Variants in DNM3 observed in about 807,000 individuals in gnomAD.
The protein encoded by DNM3 is dynamin-3.
In DNM3, 47 loss-of-function variants were observed where a neutral mutation model predicts 101.6. The ratio of observed to expected loss-of-function variants is 0.46; its 90% CI spans 0.37 to 0.59. The LOEUF (loss-of-function observed/expected upper bound fraction) is 0.59, where lower values mean the gene tolerates loss of function less well. DNM3 is among the 20% of genes least tolerant of loss of function. The pLI is 0.00. For missense variants in DNM3, 849 were observed against 1,085.7 expected, an observed-to-expected ratio of 0.78 and a Z score of 3.06; for synonymous variants, 385 against 387.9, an observed-to-expected ratio of 0.99 and a Z score of 0.09.
intron 1 of DNM3, among the ~76,000 whole-genome samples, chr1:171,875,802 G>A (rs1221588385): frequency 9.3e-6 from 1 of 107,668 alleles, no homozygotes; most frequent in Non-Finnish European, 1.8e-5. Context: ...TCTAAAAAAA[G>A]AGTTGTCTCT....
intron 20 of DNM3, 47 bp from the exon 21 acceptor site, chr1:172,407,725 C>T (rs1298256977): frequency 6.3e-7 from 1 of 1,582,938 alleles, no homozygotes; most frequent in South Asian, 1.1e-5. Flanking sequence ...CAATGTTCTG[C>T]TAGATATTCT....
chr1:172,237,109 G>A (rs902943812), intron 14 of DNM3, among the ~76,000 whole-genome samples: 1 of 152,058 alleles, frequency 6.6e-6, no homozygotes, highest in African/African-American at 2.4e-5. Context: ...TTAAACATAG[G>A]TTCAATTACA....
intron 10 of DNM3, among the ~76,000 whole-genome samples, chr1:172,063,143 A>C (rs1375888321): frequency 6.6e-6 from 1 of 152,200 alleles, no homozygotes; most frequent in East Asian, 1.9e-4. Flanking sequence ...ATATGTATAG[A>C]AGAAATTTTG....
At chr1:172,027,611 CACACACAGAGAG>C (rs1363014911) in intron 4 of DNM3, among the ~76,000 whole-genome samples, 3 of 141,452 alleles carry the variant, frequency 2.1e-5, no homozygotes, top group African/African-American at 8.2e-5. Flanking sequence ...CACACACACA[CACACACAGAGAG>C]AGAGAAATTG....
At chr1:172,127,385 CTTATTATTATTATTATTA>C (rs60339425) in intron 13 of DNM3, among the ~76,000 whole-genome samples, 1 of 137,678 alleles carries the variant, frequency 7.3e-6, no homozygotes, top group African/African-American at 2.7e-5. Context: ...TTACTCTCTA[CTTATTATTATTATTATTA>C]TTATTATTAT....
intron 16 of DNM3, chr1:172,309,954 CCTGT>C (rs1355306239): frequency 1.3e-5 from 2 of 152,286 alleles, no homozygotes; most frequent in Non-Finnish European, 2.9e-5. Flanking sequence ...TCATCCTATA[CCTGT>C]CTGACACCTA....
intron 15 of DNM3, among the ~76,000 whole-genome samples, chr1:172,263,055 A>G (rs1353400224): frequency 6.6e-6 from 1 of 152,208 alleles, no homozygotes; most frequent in Non-Finnish European, 1.5e-5. Flanking sequence ...TATGTCTTAT[A>G]GGAAATAGTT....
At chr1:172,167,011 C>G (rs929655283) in intron 14 of DNM3, among the ~76,000 whole-genome samples, 4 of 151,620 alleles carry the variant, frequency 2.6e-5, no homozygotes, top group African/African-American at 9.7e-5. Context: ...TGTTGGTGTG[C>G]TGCACCCATT....
intron 2 of DNM3, among the ~76,000 whole-genome samples, chr1:171,931,830 A>G (rs2041028721): frequency 6.6e-6 from 1 of 152,158 alleles, no homozygotes; most frequent in African/African-American, 2.4e-5. Flanking sequence ...GGGTTCTATT[A>G]TAATTGTGTG....
At chr1:172,319,022 A>G (rs1221854553) in intron 16 of DNM3, among the ~76,000 whole-genome samples, 1 of 152,074 alleles carries the variant, frequency 6.6e-6, no homozygotes. Flanking sequence ...ACAGCATGGT[A>G]CTGGTACCAA....
intron 4 of DNM3, among the ~76,000 whole-genome samples, chr1:172,005,102 T>C (rs1235430760): frequency 6.6e-6 from 1 of 152,126 alleles, no homozygotes; most frequent in African/African-American, 2.4e-5. Flanking sequence ...CTGATTTGAA[T>C]CATGGCTCCA....
In DNM3 at chr1:171,841,734, C is replaced by A; in HGVS notation, c.78C>A (p.Ser26Arg). ...LQDAFSALGQ[S>R]CLLELPQIAV... ...ACGCGTTTTCGGCGCTGGGACAGAG[C>A]TGCCTGCTGGAGCTGCCGCAGATCG... The change falls in exon 1 of 21, where the codon AGC becomes AGA. Residue 26 changes from serine to arginine, a missense_variant. Transcript: ENST00000627582. 1 of 1,610,928 alleles carries A rather than the reference C, an allele frequency of 6.2e-7. No homozygotes were observed. The highest frequency in any genetic ancestry group is 1.1e-5 in the South Asian group (1 of 90,556).
intron 14 of DNM3, among the ~76,000 whole-genome samples, chr1:172,250,860 A>C (rs904222320): frequency 6.6e-6 from 1 of 152,128 alleles, no homozygotes; most frequent in Non-Finnish European, 1.5e-5. Context: ...CTATCAGTAG[A>C]AATTTAATGG....
chr1:172,014,294 A>G (rs1277828623), intron 4 of DNM3, among the ~76,000 whole-genome samples: 3 of 152,184 alleles, frequency 2.0e-5, no homozygotes, highest in Non-Finnish European at 4.4e-5. Context: ...TAAAATTTTA[A>G]TCTATTTGGG....
At chr1:171,902,702 A>G (rs1230063900) in intron 1 of DNM3, among the ~76,000 whole-genome samples, 2 of 151,852 alleles carry the variant, frequency 1.3e-5, no homozygotes, top group African/African-American at 4.8e-5. Context: ...TACTTTAGTG[A>G]TTGACTTATC....
At chr1:172,126,710 G>A (rs191604645) in intron 13 of DNM3, among the ~76,000 whole-genome samples, 85 of 151,636 alleles carry the variant, frequency 5.6e-4, no homozygotes, top group African/African-American at 1.8e-3. Flanking sequence ...TCGTTTACAC[G>A]GTACCTGCTT....
intron 2 of DNM3, among the ~76,000 whole-genome samples, chr1:171,973,774 C>G (rs2044182295): frequency 1.3e-5 from 2 of 151,814 alleles, no homozygotes; most frequent in Non-Finnish European, 2.9e-5. Context: ...AGTGATGCTC[C>G]CACCTCAGCC....
At chr1:172,222,727 A>G (rs908205103) in intron 14 of DNM3, among the ~76,000 whole-genome samples, 1 of 152,158 alleles carries the variant, frequency 6.6e-6, no homozygotes, top group Non-Finnish European at 1.5e-5. Flanking sequence ...GCGCCAAAGA[A>G]CCAACATACA....
intron 15 of DNM3, among the ~76,000 whole-genome samples, chr1:172,272,029 T>C (rs1435682848): frequency 6.6e-6 from 1 of 152,088 alleles, no homozygotes; most frequent in Non-Finnish European, 1.5e-5. Flanking sequence ...GACAGGCTTA[T>C]TTTGTTTATT....
Sources: gnomAD v4.1 joint callset for allele counts (sites outside exome capture counted in the v4.1 genomes callset) on GRCh38, gnomAD v4.1.1 for gene constraint, MANE v1.5 for transcripts, NCBI Gene and HGNC (gene_info 2026-07-23, HGNC 2026-07-21) for gene names.